MTMR6: variants seen among roughly 807,000 people sequenced by gnomAD.
MTMR6 encodes the protein phosphatidylinositol-3,5-bisphosphate 3-phosphatase MTMR6.
A neutral mutation model predicts 80.1 loss-of-function variants in MTMR6; 47 were observed. That is an observed-to-expected ratio of 0.59 (90% CI 0.46 to 0.75). The LOEUF (loss-of-function observed/expected upper bound fraction) is 0.75. MTMR6 is among the 30% of genes least tolerant of loss of function. MTMR6 has a pLI of 0.00. For missense variants in MTMR6, 629 were observed against 730.9 expected, an observed-to-expected ratio of 0.86 and a Z score of 1.61; for synonymous variants, 254 against 253.0, an observed-to-expected ratio of 1.00 and a Z score of -0.04.
chr13:25,273,861 T>A (rs1437617134), intron 2 of MTMR6, among the ~76,000 whole-genome samples: 1 of 152,178 alleles, frequency 6.6e-6, no homozygotes, highest in South Asian at 2.1e-4. Context: ...TTTATGGAGA[T>A]AAGAGTGTGG....
At chr13:25,263,199 C>T (rs1194158401) in intron 5 of MTMR6, among the ~76,000 whole-genome samples, 1 of 152,206 alleles carries the variant, frequency 6.6e-6, no homozygotes, top group African/African-American at 2.4e-5. Context: ...TGCTAACTCC[C>T]TTAAGTCAGT....
rs1384113248 is a variant in MTMR6 at position 25,266,244 on chromosome 13, T to C, written c.347A>G (p.Gln116Arg). The C allele has an allele frequency of 6.2e-6, 10 of 1,613,550 alleles. No individual in the cohort carries two copies. The highest frequency in any genetic ancestry group is 8.5e-6 in the Non-Finnish European group (10 of 1,179,566). The stretch of plus-strand genomic sequence containing the variant: ...GCCTTGTAGTCGTTCTGAATCATTT[T>C]GTTTGGGATTATAAGAAAATGCATA... ...DLYAFSYNPK[Q>R]NDSERLQGWQ... The change falls in exon 4 of 14, where the codon CAA becomes CGA. Residue 116 changes from glutamine (Q) to arginine (R), a missense_variant. Physicochemically the swap from Gln to Arg is conservative, Grantham distance 43 (BLOSUM62 1). Coordinates refer to ENST00000381801, the MANE Select transcript of MTMR6 (RefSeq NM_004685.5).
rs1427939654 is a variant in MTMR6 at position 25,251,184 on chromosome 13, T to C, written c.1605+465A>G. Among the ~76,000 whole-genome samples the C allele has an allele frequency of 1.3e-5, 2 of 152,086 alleles. No individual in the cohort carries two copies. Among genetic ancestry groups the C allele is most frequent in the Admixed American group, 1.3e-4 (2 of 15,264 alleles). ...GGCATGCGCCACCATGCCCGGCTAC[T>C]TTTTTGTTATTTTTTTAGTAGAGAT... On this transcript the variant is annotated intron_variant, in intron 13 of 13. Coordinates refer to ENST00000381801, the MANE Select transcript of MTMR6 (RefSeq NM_004685.5). This position sits in a 1 kb window ranked among gnomAD's most constrained non-coding sequence, Gnocchi z 4.1.
At chr13:25,263,647 G>A (rs187111245) in intron 5 of MTMR6, among the ~76,000 whole-genome samples, 2 of 152,312 alleles carry the variant, frequency 1.3e-5, no homozygotes, top group East Asian at 1.9e-4. Flanking sequence ...AGCACTTTGG[G>A]AGGCCGAGGC....
chr13:25,255,684 C>T lies in MTMR6; in HGVS notation c.1096-1250G>A, dbSNP rs536799402. On this transcript the variant is annotated intron_variant, in intron 9 of 13. Coordinates refer to ENST00000381801, the MANE Select transcript of MTMR6 (RefSeq NM_004685.5). ...GATTATAGGTACACATCACCATGCC[C>T]GGCTAATTTTTGTATTTTTAGCAGA... 1.3e-4 allele frequency among the ~76,000 whole-genome samples: 20 copies of T among 152,178 alleles called. No homozygotes were observed. The South Asian group carries it at 1.5e-3, about 11-fold the overall frequency.
At chr13:25,271,949 T>C (rs936867254) in intron 2 of MTMR6, among the ~76,000 whole-genome samples, 1 of 152,146 alleles carries the variant, frequency 6.6e-6, no homozygotes, top group African/African-American at 2.4e-5. Flanking sequence ...TTAAAAGCTA[T>C]AGTCAATAAA....
intron 1 of MTMR6, among the ~76,000 whole-genome samples, chr13:25,281,141 A>G (rs1404990577): frequency 2.0e-5 from 3 of 152,146 alleles, no homozygotes; most frequent in Non-Finnish European, 4.4e-5. Flanking sequence ...AGTCTGAGCA[A>G]CATAGTGACA....
intron 1 of MTMR6, among the ~76,000 whole-genome samples, chr13:25,279,277 G>A (rs998511911): frequency 6.6e-6 from 1 of 152,134 alleles, no homozygotes; most frequent in Non-Finnish European, 1.5e-5. Flanking sequence ...GTCCTCATGA[G>A]TTCTAATGGT....
rs768588132 is a variant in MTMR6, at chr13:25,249,422, G to A, written c.1676C>T (p.Pro559Leu). 7.3e-5 allele frequency: 118 copies of A among 1,613,906 alleles called. No individual in the cohort carries two copies. The highest frequency in any genetic ancestry group is 9.7e-5 in the Non-Finnish European group (114 of 1,179,932). ...LTKELLHSVH[P>L]ESPNLKTSLC... is the part of the protein sequence containing the mutation. ...GGAAGTTTTGAGGTTAGGTGATTCA[G>A]GATGAACTGAATGTAACAATTCCTT... The change falls in exon 14 of 14, where the codon CCT becomes CTT. Residue 559 changes from proline to leucine, a missense_variant. Coordinates refer to ENST00000381801, the MANE Select transcript of MTMR6 (RefSeq NM_004685.5).
intron 1 of MTMR6, among the ~76,000 whole-genome samples, chr13:25,286,651 CTT>C (rs373680136): frequency 1.4e-4 from 22 of 152,334 alleles, no homozygotes; most frequent in African/African-American, 4.8e-4. Flanking sequence ...CTCCAGAACT[CTT>C]GACTACTGAC....
At chr13:25,274,269 T>C in intron 1 of MTMR6, 82 bp from the exon 2 acceptor site, 2 of 735,602 alleles carry the variant, frequency 2.7e-6, no homozygotes, top group East Asian at 5.6e-5. Context: ...ACATGCAACA[T>C]TCTCAATTTT....
rs929456254 is a variant in MTMR6 at position 25,248,873 on chromosome 13, A to G, written c.*359T>C. The G allele has an allele frequency of 5.7e-6, 1 of 174,488 alleles. No homozygotes were observed. The highest frequency in any genetic ancestry group is 1.2e-5 in the Non-Finnish European group (1 of 82,880). 10.8% of individuals were successfully genotyped at this position (174,488 alleles called of 1,614,324 possible). ...ATGCCATATCATTTATTAAGAAACT[A>G]TGTTGTCAAATTTTGTTTTCTTGAA... On this transcript the variant is annotated 3_prime_UTR_variant, in exon 14 of 14. Coordinates refer to ENST00000381801, the MANE Select transcript of MTMR6 (RefSeq NM_004685.5).
Position 25,257,721 on chromosome 13 carries a change from A to G in MTMR6, c.969+15T>C, listed in dbSNP as rs761209342. On this transcript the variant is annotated intron_variant, in intron 8 of 13. Coordinates refer to ENST00000381801, the MANE Select transcript of MTMR6 (RefSeq NM_004685.5). ...TTATAGACCCCAAGACCAAATATGA[A>G]AGATAAAGTATTACTTTGGCCAAGA... is the stretch of plus-strand genomic sequence containing the variant. 7.6e-6 allele frequency: 12 copies of G among 1,577,020 alleles called. No homozygotes were observed. The highest frequency in any genetic ancestry group is 9.6e-6 in the Non-Finnish European group (11 of 1,147,592).
At chr13:25,275,881 G>GGGAGGGGAGGGGAGAGGAGGGGAGA (rs1566043121) in intron 1 of MTMR6, among the ~76,000 whole-genome samples, 3 of 133,068 alleles carry the variant, frequency 2.3e-5, no homozygotes, top group African/African-American at 9.0e-5. Context: ...GGGAGGGGAG[G>GGGAGGGGAGGGGAGAGGAGGGGAGA]GGAGGGGAGG....
chr13:25,285,389 G>GGCC (rs1226971098), intron 1 of MTMR6, among the ~76,000 whole-genome samples: 2 of 67,548 alleles, frequency 3.0e-5, no homozygotes, highest in African/African-American at 1.3e-4. Context: ...ATTCTTTTCC[G>GGCC]CCCCCCCCCC....
rs2137659077 is a variant in MTMR6 at position 25,287,475 on chromosome 13, G to A, written c.-228C>T. On this transcript the variant is annotated 5_prime_UTR_variant, in exon 1 of 14. Coordinates refer to ENST00000381801, the MANE Select transcript of MTMR6 (RefSeq NM_004685.5). Reference sequence around the variant, plus strand: ...CCTCCCGGGGGACTCGGGGCAGGCAGACAGAGCGTGTGTGGACCGAGAGCG... The same window carrying A: ...CCTCCCGGGGGACTCGGGGCAGGCAAACAGAGCGTGTGTGGACCGAGAGCG... 2 of 592,412 alleles carry A rather than the reference G, an allele frequency of 3.4e-6. No individual in the cohort carries two copies. Among genetic ancestry groups the A allele is most frequent in the East Asian group, 2.9e-5 (1 of 34,284 alleles). 36.7% of individuals were successfully genotyped at this position (592,412 alleles called of 1,614,324 possible).
At chr13:25,286,789 A>G (rs1310586879) in intron 1 of MTMR6, among the ~76,000 whole-genome samples, 1 of 152,198 alleles carries the variant, frequency 6.6e-6, no homozygotes, top group African/African-American at 2.4e-5. Context: ...TCGTACTGTG[A>G]ATCTGTGACA....
At position 25,257,207 on chromosome 13, in the gene MTMR6, T is replaced by C. The variant is rs1185815005; in HGVS notation, c.1084A>G (p.Lys362Glu). 1.2e-6 allele frequency: 2 copies of C among 1,613,414 alleles called. No homozygotes were observed. The highest frequency in any genetic ancestry group is 2.2e-5 in the East Asian group (1 of 44,852). The stretch of plus-strand genomic sequence containing the variant: ...AAATAAATCCTTACCATGAATCCTT[T>C]GATTGTCCTGTAGTAGGAATCCAAT... Reference protein sequence around the residue: ...LLLDSYYRTIKGFMVLIEKDW... With the variant: ...LLLDSYYRTIEGFMVLIEKDW... Residue 362 changes from lysine to glutamate, a missense_variant, in exon 9 of 14, where the codon AAA (lysine) becomes GAA (glutamate). Lys to Glu is a moderately conservative substitution (Grantham distance 56). Coordinates refer to ENST00000381801, the MANE Select transcript of MTMR6 (RefSeq NM_004685.5).
rs1308303531 is a variant in MTMR6, at chr13:25,266,173, G to A, written c.418C>T (p.Pro140Ser). The A allele has an allele frequency of 3.7e-6, 6 of 1,613,978 alleles. No homozygotes were observed. Among genetic ancestry groups the A allele is most frequent in the Non-Finnish European group, 4.2e-6 (5 of 1,179,994 alleles). The change falls in exon 4 of 14, where the codon CCA becomes TCA. Residue 140 changes from proline (P) to serine (S), a missense_variant. Pro to Ser is a moderately conservative substitution (Grantham distance 74). Transcript: ENST00000381801. ...TCAGACAACTGCCAGTGTGAGTTTG[G>A]CACTCCCATCCTCTTATATTCCTCA... ...LAEEYKRMGVPNSHWQLSDAN... is the reference protein window; with the variant it reads ...LAEEYKRMGVSNSHWQLSDAN...
Sources: gnomAD v4.1 joint callset for allele counts (sites outside exome capture counted in the v4.1 genomes callset) on GRCh38, gnomAD v4.1.1 for gene constraint, Gnocchi (gnomAD v3.1) non-coding constraint, MANE v1.5 for transcripts, NCBI Gene and HGNC (gene_info 2026-07-23, HGNC 2026-07-21) for gene names.